The following MAF variants were observed in gnomAD, a reference collection of about 807,000 sequenced individuals.
The protein encoded by MAF is MAF bZIP transcription factor.
In MAF, 10 loss-of-function variants were observed where a neutral mutation model predicts 22.0. That is an observed-to-expected ratio of 0.45 (90% CI 0.28 to 0.77). The LOEUF (loss-of-function observed/expected upper bound fraction) is 0.77, where lower values mean the gene tolerates loss of function less well. Ranked by LOEUF, MAF falls within the 30% of genes least tolerant of loss-of-function variation. The probability of loss-of-function intolerance (pLI) is 0.12; values close to 1 mark genes in which losing one functional copy is unlikely to be tolerated. For missense variants in MAF, 544 were observed against 548.4 expected (o/e 0.99, Z 0.08); for synonymous variants, 337 against 255.8 (o/e 1.32, Z -3.03).
At chr16:79,596,169 A>AT in intron 1 of MAF, 1 of 1,062,838 alleles carries the variant, frequency 9.4e-7, no homozygotes, top group Non-Finnish European at 1.1e-6. Flanking sequence ...GTGTAGGGCC[A>AT]TGCTCAGGAA....
At chr16:79,439,027 T>C in the MAF span, among the ~76,000 whole-genome samples, 3 of 152,174 alleles carry the variant, frequency 2.0e-5, no homozygotes, top group East Asian at 1.9e-4. Context: ...CAAAGCCCCT[T>C]CTATCTTAAA....
exon 2 of MAF, chr16:79,585,927 G>GCCC (rs1912811562): frequency 2.9e-6 from 2 of 685,382 alleles, no homozygotes; most frequent in African/African-American, 3.6e-5. Flanking sequence ...TGATGTAGAG[G>GCCC]ATTCCCTTGG....
In MAF at chr16:79,594,512, G is replaced by A; in HGVS notation, c.1160C>T (p.Ala387Val). The A allele has an allele frequency of 6.4e-7, 1 of 1,567,152 alleles. No individual in the cohort carries two copies. Among genetic ancestry groups the A allele is most frequent in the East Asian group, 2.3e-5 (1 of 42,970 alleles). Reference sequence around the variant, plus strand: ...ACGATGCTGGGGCTTCCAAAATGTGGCGTATCCCACTGATGGCTCCAACTT... The same window carrying A: ...ACGATGCTGGGGCTTCCAAAATGTGACGTATCCCACTGATGGCTCCAACTT... ...TRKLEPSVGY[A>V]TFWKPQHRVL... The change falls in exon 2 of 2, where the codon GCC (alanine) becomes GTC (valine). Residue 387 changes from alanine (A) to valine (V), a missense_variant. Around this residue, in one of 5 missense-constraint regions of MAF, gnomAD observed 129 missense variants for 113.6 expected, o/e 1.14. Transcript: ENST00000326043.
chr16:79,223,855 G>C, the MAF span, among the ~76,000 whole-genome samples: 1 of 152,194 alleles, frequency 6.6e-6, no homozygotes, highest in East Asian at 1.9e-4. Flanking sequence ...TTCTGAAATT[G>C]AGGGAGTAAT....
the MAF span, among the ~76,000 whole-genome samples, chr16:79,236,145 T>C: frequency 6.6e-6 from 1 of 152,080 alleles, no homozygotes; most frequent in South Asian, 2.1e-4. Context: ...ATGCAAGCAT[T>C]TGACTTCCAA....
At chr16:79,313,044 G>A in the MAF span, among the ~76,000 whole-genome samples, 295 of 152,272 alleles carry the variant, frequency 1.9e-3, no homozygotes, top group African/African-American at 6.3e-3. Context: ...TGGGCAAATA[G>A]AGTGAAGCAA....
the MAF span, among the ~76,000 whole-genome samples, chr16:79,390,925 T>C: frequency 6.6e-6 from 1 of 152,172 alleles, no homozygotes; most frequent in Admixed American, 6.5e-5. Flanking sequence ...GAGATGCTTA[T>C]CAAAGGATTT....
chr16:79,343,984 T>C, the MAF span, among the ~76,000 whole-genome samples: 1 of 152,178 alleles, frequency 6.6e-6, no homozygotes, highest in Admixed American at 6.5e-5. Flanking sequence ...TCCTATCTGC[T>C]CTCTAGATCC....
chr16:79,547,289 A>G, the MAF span, among the ~76,000 whole-genome samples: 1 of 151,628 alleles, frequency 6.6e-6, no homozygotes, highest in Non-Finnish European at 1.5e-5. Context: ...ACGCACATAC[A>G]CACACACACA....
the MAF span, among the ~76,000 whole-genome samples, chr16:79,287,262 G>T: frequency 1.3e-5 from 2 of 152,178 alleles, no homozygotes; most frequent in African/African-American, 4.8e-5. Flanking sequence ...CAGGATTGCG[G>T]CAGGCTGTTA....
chr16:79,497,396 C>T, the MAF span, among the ~76,000 whole-genome samples: 1 of 152,212 alleles, frequency 6.6e-6, no homozygotes, highest in Non-Finnish European at 1.5e-5. Context: ...CCGCCTGCTT[C>T]CTCTGCCCCT....
chr16:79,504,576 C>T, the MAF span, among the ~76,000 whole-genome samples: 3 of 151,352 alleles, frequency 2.0e-5, no homozygotes, highest in Non-Finnish European at 2.9e-5. Flanking sequence ...GATGGATGGA[C>T]GGATGGATGG....
At chr16:79,244,374 C>A in the MAF span, among the ~76,000 whole-genome samples, 8 of 151,982 alleles carry the variant, frequency 5.3e-5, no homozygotes, top group African/African-American at 1.9e-4. Flanking sequence ...AAAGTCTCAG[C>A]ATACAAAATC....
At chr16:79,398,759 C>A in the MAF span, among the ~76,000 whole-genome samples, 2 of 152,154 alleles carry the variant, frequency 1.3e-5, no homozygotes, top group East Asian at 1.9e-4. Flanking sequence ...CTCAGCTAGG[C>A]CCCTCTGTCT....
At chr16:79,231,903 G>A in the MAF span, among the ~76,000 whole-genome samples, 6 of 152,062 alleles carry the variant, frequency 3.9e-5, no homozygotes, top group East Asian at 3.9e-4. Context: ...GCAACTAGAC[G>A]GTCCCATCTG....
the MAF span, among the ~76,000 whole-genome samples, chr16:79,277,883 G>GT: frequency 2.0e-5 from 3 of 152,206 alleles, no homozygotes; most frequent in Admixed American, 6.5e-5. Context: ...CTCCTAAAGT[G>GT]TGATCTGGGG....
chr16:79,392,172 G>A, the MAF span, among the ~76,000 whole-genome samples: 1 of 148,586 alleles, frequency 6.7e-6, no homozygotes, highest in Non-Finnish European at 1.5e-5. Flanking sequence ...AGGAGAGAGG[G>A]AAGAAGGAAG....
the MAF span, among the ~76,000 whole-genome samples, chr16:79,366,942 G>C: frequency 3.9e-5 from 6 of 152,172 alleles, no homozygotes; most frequent in Non-Finnish European, 7.3e-5. Context: ...TCAGGGCTTG[G>C]TATATAGCAA....
chr16:79,361,974 T>C, the MAF span, among the ~76,000 whole-genome samples: 2 of 152,204 alleles, frequency 1.3e-5, no homozygotes, highest in African/African-American at 4.8e-5. Flanking sequence ...TCCCAAATTC[T>C]GCCAAGACAG....
Sources: gnomAD v4.1 joint callset for allele counts (sites outside exome capture counted in the v4.1 genomes callset) on GRCh38, gnomAD v4.1.1 for gene constraint, gnomAD v4.1.1 regional missense constraint, MANE v1.5 for transcripts, NCBI Gene and HGNC (gene_info 2026-07-23, HGNC 2026-07-21) for gene names.